AFF3: variants seen among roughly 807,000 people sequenced by gnomAD.
AFF3 encodes ALF transcription elongation factor 3, also known as AF4/FMR2 family member 3.
A neutral mutation model predicts 129.7 loss-of-function variants in AFF3; 32 were observed. That is an observed-to-expected ratio of 0.25 (90% CI 0.19 to 0.33). The LOEUF (loss-of-function observed/expected upper bound fraction) is 0.33, where lower values mean the gene tolerates loss of function less well. Ranked by LOEUF, AFF3 falls within the 10% of genes least tolerant of loss-of-function variation. The pLI is 1.00. For missense variants in AFF3, 1,373 were observed against 1,592.0 expected (o/e 0.86, Z 2.34); for synonymous variants, 644 against 635.4 (o/e 1.01, Z -0.20).
chr2:99,694,053 G>C (rs1289098073), intron 11 of AFF3, among the ~76,000 whole-genome samples: 1 of 152,016 alleles, frequency 6.6e-6, no homozygotes, highest in African/African-American at 2.4e-5. Context: ...GAGTAGCTGG[G>C]ATTACAGGCA....
chr2:99,868,636 G>C (rs1286808606), intron 7 of AFF3, among the ~76,000 whole-genome samples: 2 of 152,156 alleles, frequency 1.3e-5, no homozygotes, highest in Admixed American at 6.5e-5. Flanking sequence ...GAGGCTTTTT[G>C]AGCATTTTAA....
At chr2:99,842,276 T>C (rs1279342468) in intron 7 of AFF3, among the ~76,000 whole-genome samples, 2 of 152,192 alleles carry the variant, frequency 1.3e-5, no homozygotes, top group African/African-American at 2.4e-5. Context: ...TTACTTTGAT[T>C]ATATTTACAT....
chr2:99,776,744 T>C (rs1683933411), intron 8 of AFF3, among the ~76,000 whole-genome samples: 1 of 152,204 alleles, frequency 6.6e-6, no homozygotes, highest in Non-Finnish European at 1.5e-5. Flanking sequence ...GCTAAAATCA[T>C]CTTTTATTAT....
chr2:99,817,396 A>G (rs904383923), intron 8 of AFF3, among the ~76,000 whole-genome samples: 2 of 152,174 alleles, frequency 1.3e-5, no homozygotes, highest in Admixed American at 6.5e-5. Context: ...TGACACGTCT[A>G]TCTCTCTTCA....
chr2:99,831,239 A>G (rs180969197), intron 8 of AFF3, among the ~76,000 whole-genome samples: 2 of 152,384 alleles, frequency 1.3e-5, no homozygotes, highest in Non-Finnish European at 2.9e-5. Flanking sequence ...ATGCTTCTTA[A>G]TTAGCATTCT....
At chr2:99,684,853 T>C (rs1282107342) in intron 11 of AFF3, among the ~76,000 whole-genome samples, 1 of 152,132 alleles carries the variant, frequency 6.6e-6, no homozygotes, top group African/African-American at 2.4e-5. Context: ...TTTTTCATTA[T>C]AAAATGAATC....
At chr2:100,005,807 A>C (rs1681920756) in intron 7 of AFF3, among the ~76,000 whole-genome samples, 1 of 152,140 alleles carries the variant, frequency 6.6e-6, no homozygotes, top group Non-Finnish European at 1.5e-5. Context: ...GCAACAACAA[A>C]TGTCAAATCA....
chr2:99,913,555 A>G (rs539256671), intron 7 of AFF3, among the ~76,000 whole-genome samples: 104 of 152,330 alleles, frequency 6.8e-4, no homozygotes, highest in African/African-American at 2.5e-3. Flanking sequence ...GCTCTGTCCA[A>G]TGAACGGGCC....
At chr2:100,134,421 G>A (rs1692551298) in intron 1 of AFF3, among the ~76,000 whole-genome samples, 1 of 151,884 alleles carries the variant, frequency 6.6e-6, no homozygotes, top group Admixed American at 6.6e-5. Flanking sequence ...TATATATGAA[G>A]GATAGTAAGC....
At chr2:100,114,843 A>G (rs1290840373) in intron 2 of AFF3, among the ~76,000 whole-genome samples, 2 of 152,236 alleles carry the variant, frequency 1.3e-5, no homozygotes, top group African/African-American at 4.8e-5. Flanking sequence ...TCATTCCAAA[A>G]TGAAAAGCTT....
At chr2:99,565,368 G>A in intron 20 of AFF3, 119 bp downstream of exon 20, 3 of 1,405,046 alleles carry the variant, frequency 2.1e-6, no homozygotes, top group Non-Finnish European at 2.9e-6. Flanking sequence ...TATTTTGGGG[G>A]GATGAACACT....
chr2:99,654,401 T>TA (rs1246990529), intron 12 of AFF3, among the ~76,000 whole-genome samples: 9 of 152,128 alleles, frequency 5.9e-5, no homozygotes, highest in Non-Finnish European at 1.2e-4. Flanking sequence ...CTCCTCTCTT[T>TA]AAAAAAACCT....
intron 4 of AFF3, among the ~76,000 whole-genome samples, chr2:100,011,142 T>C (rs958565073): frequency 3.9e-5 from 6 of 151,944 alleles, no homozygotes; most frequent in African/African-American, 9.7e-5. Flanking sequence ...GGGGCGGTGG[T>C]GGGCACCTGT....
intron 7 of AFF3, among the ~76,000 whole-genome samples, chr2:100,004,915 T>C (rs1681823288): frequency 6.6e-6 from 1 of 152,052 alleles, no homozygotes; most frequent in Admixed American, 6.6e-5. Context: ...ACACCTCTTA[T>C]CTCTTCTCTA....
intron 11 of AFF3, among the ~76,000 whole-genome samples, chr2:99,675,878 A>G (rs1331013445): frequency 1.3e-5 from 2 of 152,196 alleles, no homozygotes; most frequent in Non-Finnish European, 2.9e-5. Context: ...AAACATAGGT[A>G]TATCAAACAA....
At chr2:99,873,296 G>A (rs532960486) in intron 7 of AFF3, among the ~76,000 whole-genome samples, 21 of 152,302 alleles carry the variant, frequency 1.4e-4, no homozygotes, top group African/African-American at 4.3e-4. Context: ...TGCTAATAGC[G>A]TTTGGTAGCA....
intron 7 of AFF3, among the ~76,000 whole-genome samples, chr2:99,929,354 A>AAAAT (rs1696508364): frequency 6.6e-6 from 1 of 152,050 alleles, no homozygotes; most frequent in African/African-American, 2.4e-5. Flanking sequence ...AAAATAAAAT[A>AAAAT]AAAAGGCTTA....
chr2:99,665,370 G>T (rs1169825740), intron 12 of AFF3, among the ~76,000 whole-genome samples: 1 of 152,214 alleles, frequency 6.6e-6, no homozygotes, highest in Admixed American at 6.5e-5. Context: ...AATTTTGGAG[G>T]CTGAGTTTAT....
At chr2:99,766,319 G>C (rs1683014552) in intron 8 of AFF3, among the ~76,000 whole-genome samples, 1 of 152,202 alleles carries the variant, frequency 6.6e-6, no homozygotes, top group Non-Finnish European at 1.5e-5. Flanking sequence ...AAATGAGCAG[G>C]CTTCTACTAA....
Sources: allele counts gnomAD v4.1 joint callset (sites outside exome capture counted in the v4.1 genomes callset), GRCh38; gene constraint gnomAD v4.1.1; transcripts MANE v1.5; gene names NCBI Gene and HGNC (gene_info 2026-07-23, HGNC 2026-07-21).